CCL2: variants seen among roughly 807,000 people sequenced by gnomAD.
CCL2 encodes the protein C-C motif chemokine 2.
In CCL2, 2 loss-of-function variants were observed where a neutral mutation model predicts 6.7. The ratio of observed to expected loss-of-function variants is 0.30; its 90% CI spans 0.12 to 0.94. The LOEUF (loss-of-function observed/expected upper bound fraction) is 0.94, where lower values mean the gene tolerates loss of function less well. Among genes scored for constraint, CCL2 ranks in the 40% least tolerant of loss-of-function variants. CCL2 has a pLI of 0.54. For synonymous variants in CCL2, 43 were observed against 45.2 expected (o/e 0.95, Z 0.19); for missense variants, 89 against 119.3 (o/e 0.75, Z 1.18).
intron 2 of CCL2, 163 bp downstream of exon 2, chr17:34,256,502 ACT>A: frequency 1.6e-6 from 1 of 627,016 alleles, no homozygotes; most frequent in Non-Finnish European, 2.8e-6. Flanking sequence ...CCCCAACATC[ACT>A]CTCCACCTGG....
chr17:34,255,858 T>C (rs1907669168), intron 1 of CCL2: 3 of 272,468 alleles, frequency 1.1e-5, no homozygotes, highest in Admixed American at 9.8e-5. Context: ...TGACCAGGCA[T>C]AGCCTATTCA....
rs995205364 is a variant in CCL2, at chr17:34,255,402, T to C, written c.53T>C (p.Ile18Thr). The part of the protein sequence containing the change: ...LCLLLIAATF[I>T]PQGLAQPDAI... ...CTGCTGCTCATAGCAGCCACCTTCA[T>C]TCCCCAAGGGCTCGCTCAGCCAGGT... is the stretch of plus-strand genomic sequence containing the variant. Residue 18 changes from isoleucine (I) to threonine (T), a missense_variant, in exon 1 of 3, where the codon ATT becomes ACT. Coordinates refer to ENST00000225831, the MANE Select transcript of CCL2 (RefSeq NM_002982.4). The C allele has an allele frequency of 1.2e-5, 19 of 1,613,830 alleles. No individual in the cohort carries two copies. Among genetic ancestry groups the C allele is most frequent in the Non-Finnish European group, 1.6e-5 (19 of 1,179,930 alleles).
intron 2 of CCL2, 61 bp downstream of exon 2, chr17:34,256,400 G>T: frequency 8.8e-7 from 1 of 1,134,720 alleles, no homozygotes; most frequent in Non-Finnish European, 1.3e-6. Context: ...CAAGGGACAA[G>T]CCTCATAAAC....
chr17:34,255,665 A>G (rs1042100859), intron 1 of CCL2: 1 of 499,562 alleles, frequency 2.0e-6, no homozygotes, highest in Non-Finnish European at 3.6e-6. Context: ...CTGGGAACAC[A>G]CTCAGCGCAG....
intron 1 of CCL2, 160 bp from the exon 2 acceptor site, chr17:34,256,062 C>T: frequency 1.7e-6 from 1 of 590,482 alleles, no homozygotes. Flanking sequence ...TCAAAGATCA[C>T]ATTCTAGCTC....
At position 34,255,293 on chromosome 17, in the gene CCL2, G is replaced by T. The variant is rs1469499985; in HGVS notation, c.-57G>T. 6 of 1,513,570 alleles carry T rather than the reference G, an allele frequency of 4.0e-6. No homozygotes were observed. 93.8% of individuals were successfully genotyped at this position (1,513,570 alleles called of 1,614,324 possible). A position where few individuals can be genotyped will look rare whatever the true frequency, so the allele number is the denominator to read the frequency against. The stretch of plus-strand genomic sequence containing the variant: ...CAGCAGCCAGAGGAACCGAGAGGCT[G>T]AGACTAACCCAGAAACATCCAATTC... On this transcript the variant is annotated 5_prime_UTR_variant, in exon 1 of 3. Coordinates refer to ENST00000225831, the MANE Select transcript of CCL2 (RefSeq NM_002982.4).
chr17:34,255,628 A>C, intron 1 of CCL2: 1 of 535,886 alleles, frequency 1.9e-6, no homozygotes. Context: ...GTGAACCCCA[A>C]ATCCAGCTCC....
chr17:34,256,200 T>A, intron 1 of CCL2, 22 bp from the exon 2 acceptor site: 4 of 1,518,112 alleles, frequency 2.6e-6, no homozygotes, highest in Non-Finnish European at 3.7e-6. Context: ...AAAATGCTTT[T>A]TCTTTGTGGT....
At chr17:34,256,414 G>T in intron 2 of CCL2, 75 bp downstream of exon 2, 1 of 957,082 alleles carries the variant, frequency 1.0e-6, no homozygotes, top group South Asian at 1.4e-5. Flanking sequence ...CATAAACCTA[G>T]AGTCAGAGAG....
intron 1 of CCL2, 163 bp downstream of exon 1, chr17:34,255,588 C>A: frequency 1.7e-6 from 1 of 582,106 alleles, no homozygotes; most frequent in African/African-American, 1.9e-5. Context: ...ACAGCTGCTG[C>A]TCGGCAGAGC....
At position 34,257,066 on chromosome 17, in the gene CCL2, CT is replaced by C. The variant is rs1172172454; in HGVS notation, c.*240del. On this transcript the variant is annotated 3_prime_UTR_variant, in exon 3 of 3. Coordinates refer to ENST00000225831, the MANE Select transcript of CCL2 (RefSeq NM_002982.4). ...TTCCTCTTGAACCACAGTTCTACCC[CT>C]GGGATGTTTTGAGGGTCTTTGCAAG... The C allele has an allele frequency of 2.8e-6, 1 of 358,622 alleles. No homozygotes were observed. 22.2% of individuals were successfully genotyped at this position (358,622 alleles called of 1,614,324 possible).
chr17:34,255,557 A>G (rs1907660414), intron 1 of CCL2, 132 bp downstream of exon 1: 2 of 749,454 alleles, frequency 2.7e-6, no homozygotes, highest in Admixed American at 5.2e-5. Context: ...TCAGAAAAGG[A>G]CAAGGGGTGA....
chr17:34,256,061 A>G (rs1430349534), intron 1 of CCL2, 161 bp from the exon 2 acceptor site: 1 of 588,292 alleles, frequency 1.7e-6, no homozygotes, highest in African/African-American at 1.9e-5. Flanking sequence ...GTCAAAGATC[A>G]CATTCTAGCT....
chr17:34,255,740 T>G, intron 1 of CCL2: 2 of 346,936 alleles, frequency 5.8e-6, no homozygotes, highest in Non-Finnish European at 1.1e-5. Context: ...GGTGGGTGTG[T>G]AGGCTGTTTC....
At chr17:34,255,516 C>T (rs1166963367) in intron 1 of CCL2, 91 bp downstream of exon 1, 2 of 1,131,244 alleles carry the variant, frequency 1.8e-6, no homozygotes, top group Admixed American at 3.9e-5. Context: ...CACAGTCTTG[C>T]TTTAACGCTA....
At position 34,255,369 on chromosome 17, in the gene CCL2, T is replaced by G; in HGVS notation, c.20T>G (p.Leu7Arg). 1 of 1,613,990 alleles carries G rather than the reference T, an allele frequency of 6.2e-7. No individual in the cohort carries two copies. Among genetic ancestry groups the G allele is most frequent in the Non-Finnish European group, 8.5e-7 (1 of 1,179,930 alleles). Residue 7 changes from leucine to arginine, a missense_variant, in exon 1 of 3, where the codon CTT (leucine) becomes CGT (arginine). Coordinates refer to ENST00000225831, the MANE Select transcript of CCL2 (RefSeq NM_002982.4). ...TCCAGCATGAAAGTCTCTGCCGCCC[T>G]TCTGTGCCTGCTGCTCATAGCAGCC... MKVSAA[L>R]LCLLLIAATF...
At chr17:34,256,004 A>G (rs1907674256) in intron 1 of CCL2, 1 of 483,644 alleles carries the variant, frequency 2.1e-6, no homozygotes, top group African/African-American at 2.0e-5. Flanking sequence ...TCTGTCCATT[A>G]TCAATGTTAT....
At position 34,256,807 on chromosome 17, in the gene CCL2, A is replaced by T; in HGVS notation, c.280A>T (p.Thr94Ser). The part of the protein sequence containing the change: ...QDSMDHLDKQ[T>S]QTPKT Reference sequence around the variant, plus strand: ...TTCCATGGACCACCTGGACAAGCAAACCCAAACTCCGAAGACTTGAACACT... The same window carrying T: ...TTCCATGGACCACCTGGACAAGCAATCCCAAACTCCGAAGACTTGAACACT... The change falls in exon 3 of 3, where the codon ACC (threonine) becomes TCC (serine). Residue 94 changes from threonine to serine, a missense_variant. Thr to Ser is a moderately conservative substitution (Grantham distance 58). Transcript: ENST00000225831. The T allele has an allele frequency of 6.2e-7, 1 of 1,613,474 alleles. No individual in the cohort carries two copies. The highest frequency in any genetic ancestry group is 1.1e-5 in the South Asian group (1 of 91,058).
At chr17:34,256,164 A>T in intron 1 of CCL2, 58 bp from the exon 2 acceptor site, 1 of 1,186,202 alleles carries the variant, frequency 8.4e-7, no homozygotes, top group Non-Finnish European at 1.2e-6. Flanking sequence ...TTCTGCTCTT[A>T]AGATCAGAAT....
Sources: gnomAD v4.1 joint callset for allele counts on GRCh38, gnomAD v4.1.1 for gene constraint, MANE v1.5 for transcripts, NCBI Gene and HGNC (gene_info 2026-07-23, HGNC 2026-07-21) for gene names.